The following LRP1B variants were observed in gnomAD, a reference collection of about 807,000 sequenced individuals.
LRP1B encodes the protein low-density lipoprotein receptor-related protein 1B.
LRP1B carries 217 observed loss-of-function variants against 556.6 expected under a neutral mutation model. The ratio of observed to expected loss-of-function variants is 0.39; its 90% CI spans 0.35 to 0.44. The LOEUF is 0.44. LRP1B is among the 20% of genes least tolerant of loss of function. The pLI, the probability that LRP1B is intolerant of heterozygous loss-of-function variation, is 1.00. For synonymous variants in LRP1B, 2,047 were observed against 1,865.8 expected (o/e 1.10, Z -2.50); for missense variants, 5,053 against 5,620.8 (o/e 0.90, Z 3.23).
chr2:140,341,361 T>C (rs570245108), intron 77 of LRP1B, among the ~76,000 whole-genome samples: 1 of 151,596 alleles, frequency 6.6e-6, no homozygotes, highest in East Asian at 2.0e-4. Context: ...GGGGTCACCT[T>C]GTAGGCTACT....
intron 2 of LRP1B, among the ~76,000 whole-genome samples, chr2:141,677,811 C>T (rs1390693918): frequency 6.6e-6 from 1 of 152,100 alleles, no homozygotes; most frequent in Admixed American, 6.6e-5. Context: ...TTCTTAAAAG[C>T]ATTAGGAAAC....
intron 2 of LRP1B, among the ~76,000 whole-genome samples, chr2:141,634,088 C>A (rs1689012730): frequency 6.6e-6 from 1 of 151,086 alleles, no homozygotes; most frequent in African/African-American, 2.4e-5. Context: ...ATTTAGAAAA[C>A]AAAAAAGCCC....
intron 3 of LRP1B, among the ~76,000 whole-genome samples, chr2:141,270,212 A>G (rs576759726): frequency 6.6e-6 from 1 of 152,268 alleles, no homozygotes; most frequent in East Asian, 1.9e-4. Context: ...AAATAAAAAT[A>G]AAAACCACAA....
chr2:140,545,485 G>A (rs1680296238), intron 43 of LRP1B, among the ~76,000 whole-genome samples: 1 of 152,098 alleles, frequency 6.6e-6, no homozygotes, highest in African/African-American at 2.4e-5. Flanking sequence ...AAGGGGTTCA[G>A]TTTCAATCTT....
intron 1 of LRP1B, among the ~76,000 whole-genome samples, chr2:141,829,088 C>G (rs868812672): frequency 9.9e-5 from 15 of 151,396 alleles, no homozygotes; most frequent in Middle Eastern, 3.4e-3. Flanking sequence ...AGTAAGACAT[C>G]GTTATATGTT....
At chr2:141,470,381 C>A (rs1682416074) in intron 3 of LRP1B, among the ~76,000 whole-genome samples, 1 of 152,164 alleles carries the variant, frequency 6.6e-6, no homozygotes. Flanking sequence ...AGTTGTTCAG[C>A]CTGTTGTTTG....
At chr2:141,675,652 A>G (rs1690847331) in intron 2 of LRP1B, among the ~76,000 whole-genome samples, 1 of 144,992 alleles carries the variant, frequency 6.9e-6, no homozygotes, top group African/African-American at 2.5e-5. Context: ...TTCAAATCCT[A>G]GCTTCTAATT....
intron 7 of LRP1B, among the ~76,000 whole-genome samples, chr2:141,131,430 T>TA (rs67252411): frequency 2.1e-5 from 3 of 146,018 alleles, no homozygotes; most frequent in Non-Finnish European, 4.5e-5. Context: ...TATATATATA[T>TA]TTGCTCTTAG....
chr2:142,130,433 G>A (rs373019511), intron 1 of LRP1B, among the ~76,000 whole-genome samples: 1 of 152,198 alleles, frequency 6.6e-6, no homozygotes, highest in African/African-American at 2.4e-5. Flanking sequence ...AACGGCCAAA[G>A]GGAAAAGCTG....
chr2:141,366,978 C>A (rs1689063187), intron 3 of LRP1B, among the ~76,000 whole-genome samples: 1 of 152,282 alleles, frequency 6.6e-6, no homozygotes. Context: ...CTGATGAGTT[C>A]TAAAGGTAAC....
chr2:141,394,678 G>A (rs1198170447), intron 3 of LRP1B, among the ~76,000 whole-genome samples: 1 of 151,934 alleles, frequency 6.6e-6, no homozygotes, highest in Non-Finnish European at 1.5e-5. Context: ...GGTCTTAGAG[G>A]TACAAATGTA....
intron 7 of LRP1B, among the ~76,000 whole-genome samples, chr2:141,065,256 C>G (rs926914133): frequency 4.0e-5 from 6 of 151,860 alleles, no homozygotes; most frequent in African/African-American, 1.4e-4. Flanking sequence ...CACTCTATTC[C>G]TAAACACTTC....
intron 2 of LRP1B, among the ~76,000 whole-genome samples, chr2:141,649,945 C>G (rs527648896): frequency 1.3e-5 from 2 of 152,088 alleles, no homozygotes; most frequent in Non-Finnish European, 2.9e-5. Context: ...TTTGGGAGGC[C>G]GAAGCAGATG....
chr2:140,571,713 T>TA (rs1213830247), intron 43 of LRP1B, among the ~76,000 whole-genome samples: 1 of 151,296 alleles, frequency 6.6e-6, no homozygotes, highest in Non-Finnish European at 1.5e-5. Context: ...CTGAGAAAAG[T>TA]AAAAAAACAA....
At chr2:142,027,196 G>A (rs1431995810) in intron 1 of LRP1B, among the ~76,000 whole-genome samples, 1 of 151,742 alleles carries the variant, frequency 6.6e-6, no homozygotes. Flanking sequence ...TTCATCCATT[G>A]CTGATGCATG....
intron 7 of LRP1B, among the ~76,000 whole-genome samples, chr2:141,118,994 G>A (rs753148849): frequency 2.6e-5 from 4 of 151,864 alleles, no homozygotes; most frequent in Non-Finnish European, 2.9e-5. Context: ...AGATAGCTAA[G>A]ATTTCCATAT....
chr2:141,194,788 G>T (rs1376804744), intron 6 of LRP1B, among the ~76,000 whole-genome samples: 1 of 151,948 alleles, frequency 6.6e-6, no homozygotes, highest in Non-Finnish European at 1.5e-5. Flanking sequence ...ACTCCAAAAT[G>T]GTGAGGCGAT....
At chr2:140,581,057 G>T (rs1681742392) in intron 43 of LRP1B, among the ~76,000 whole-genome samples, 1 of 152,196 alleles carries the variant, frequency 6.6e-6, no homozygotes, top group African/African-American at 2.4e-5. Flanking sequence ...CAGTATATCA[G>T]CAGGGTGAGT....
rs183457644 is a variant in LRP1B at position 141,873,365 on chromosome 2, A to G, written c.83-62964T>C. On this transcript the variant is annotated intron_variant, in intron 1 of 90. Coordinates refer to ENST00000389484, the MANE Select transcript of LRP1B (RefSeq NM_018557.3). ...GTCCCAGATACTTGATTTTGGTTGTAGTACTGGTGAAATAACTCAACCTAT... is the reference window on the plus strand; with the variant it reads ...GTCCCAGATACTTGATTTTGGTTGTGGTACTGGTGAAATAACTCAACCTAT... Among the ~76,000 whole-genome samples, 14 of 152,050 alleles carry G rather than the reference A, an allele frequency of 9.2e-5. 1 individual carries two copies. Among genetic ancestry groups the G allele is most frequent in the African/African-American group, 3.1e-4 (13 of 41,520 alleles).
Sources: gnomAD v4.1 joint callset for allele counts (sites outside exome capture counted in the v4.1 genomes callset) on GRCh38, gnomAD v4.1.1 for gene constraint, MANE v1.5 for transcripts, NCBI Gene and HGNC (gene_info 2026-07-23, HGNC 2026-07-21) for gene names.